The following SETDB1 variants were observed in gnomAD, a reference collection of about 807,000 sequenced individuals.
SETDB1 encodes histone-lysine N-methyltransferase SETDB1.
A neutral mutation model predicts 137.4 loss-of-function variants in SETDB1; 31 were observed. The observed-to-expected ratio is 0.23, with a 90% CI of 0.17 to 0.30. SETDB1 has a LOEUF of 0.30. Among genes scored for constraint, SETDB1 ranks in the 10% least tolerant of loss-of-function variants. The pLI is 1.00. For missense variants in SETDB1, 1,113 were observed against 1,631.5 expected (o/e 0.68, Z 5.47); for synonymous variants, 548 against 579.9 (o/e 0.95, Z 0.79).
chr1:150,941,362 G>C lies in SETDB1; in HGVS notation c.481G>C (p.Ala161Pro). 1.2e-6 allele frequency: 2 copies of C among 1,613,688 alleles called. No individual in the cohort carries two copies. The highest frequency in any genetic ancestry group is 1.7e-6 in the Non-Finnish European group (2 of 1,179,648). The change falls in exon 5 of 22, where the codon GCT (alanine) becomes CCT (proline). Residue 161 changes from alanine to proline, a missense_variant. Ala to Pro is a conservative substitution (Grantham distance 27). This residue lies in a region of SETDB1 where 159 missense variants were observed against 188.6 expected (regional missense o/e 0.84). Transcript: ENST00000692827. ...AGCTATGGCTGCCTTAAGAAAGTCA[G>C]CTCAAGATGTTCAGAAGTTCATGGA... ...REAMAALRKS[A>P]QDVQKFMDAV...
rs1311530032 is a variant in SETDB1, at chr1:150,949,521, T to C, written c.1579T>C (p.Tyr527His). The C allele has an allele frequency of 5.0e-6, 8 of 1,613,716 alleles. No homozygotes were observed. The highest frequency in any genetic ancestry group is 6.8e-6 in the Non-Finnish European group (8 of 1,179,846). Residue 527 changes from tyrosine (Y) to histidine (H), a missense_variant, in exon 12 of 22, where the codon TAT becomes CAT. Coordinates refer to ENST00000692827, the MANE Select transcript of SETDB1 (RefSeq NM_001366418.1). ...SGGKPGINQT[Y>H]RSPLGSTASA... The stretch of plus-strand genomic sequence containing the variant: ...TGGGAAACCTGGGATCAACCAGACA[T>C]ATAGGTGAGAAAATCTGAGGCTCTC...
intron 4 of SETDB1, among the ~76,000 whole-genome samples, chr1:150,940,663 T>C (rs1301752930): frequency 2.0e-5 from 3 of 150,892 alleles, no homozygotes. Flanking sequence ...AGGTCGGCAG[T>C]TCAAGAGCAG....
rs1209975250 is a variant in SETDB1, at chr1:150,946,973, GAGA to G, written c.1234_1236del (p.Lys412del). Reference sequence around the variant, plus strand: ...GAAAACATCCTCAGCCTCTGCACTGGAGAAGAAGCAAGGACAGCTCAGGACACG... The same window carrying G: ...GAAAACATCCTCAGCCTCTGCACTGGAGAAGCAAGGACAGCTCAGGACACG... On this transcript the variant is annotated inframe_deletion, in exon 10 of 22. Coordinates refer to ENST00000692827, the MANE Select transcript of SETDB1 (RefSeq NM_001366418.1). The G allele has an allele frequency of 3.1e-6, 5 of 1,614,050 alleles. No homozygotes were observed. The highest frequency in any genetic ancestry group is 4.2e-6 in the Non-Finnish European group (5 of 1,180,036).
At chr1:150,951,540 T>C in intron 14 of SETDB1, 59 bp downstream of exon 14, 1 of 913,696 alleles carries the variant, frequency 1.1e-6, no homozygotes, top group Non-Finnish European at 1.8e-6. Context: ...GTTCTTGTTT[T>C]TCTGTGCTTA....
rs761849953 is a variant in SETDB1 at position 150,942,904 on chromosome 1, G to T, written c.726G>T (p.Leu242=). The T allele has an allele frequency of 2.2e-5, 36 of 1,614,052 alleles. No homozygotes were observed. Among genetic ancestry groups the T allele is most frequent in the Non-Finnish European group, 1.7e-5 (20 of 1,180,004 alleles). The change falls in exon 7 of 22, where the codon CTG becomes CTT. Residue 242 remains leucine, a synonymous_variant. Transcript: ENST00000692827. ...TTGACAACAAAGGAAAGAGTCTACT[G>T]TCGGGGAACCATATTGCCTATGATT... ...VKFDNKGKSL[L]SGNHIAYDYH... is the part of the protein sequence containing the mutation.
In SETDB1 at chr1:150,951,048, A is replaced by T; in HGVS notation, c.2174A>T (p.Glu725Val). The change falls in exon 13 of 22, where the codon GAA becomes GTA. Residue 725 changes from glutamate to valine, a missense_variant. This residue lies in a region of SETDB1 where 81 missense variants were observed against 123.4 expected (regional missense o/e 0.66). Coordinates refer to ENST00000692827, the MANE Select transcript of SETDB1 (RefSeq NM_001366418.1). ...GGTGTTTTCATTAACACAGGCCCTG[A>T]ATTTCTGGTTGGCTGTGACTGCAAG... ...GKGVFINTGP[E>V]FLVGCDCKDG... 6.2e-7 allele frequency: 1 copy of T among 1,612,658 alleles called. No homozygotes were observed. The highest frequency in any genetic ancestry group is 8.5e-7 in the Non-Finnish European group (1 of 1,178,790).
At chr1:150,933,768 T>A (rs1669849086) in intron 3 of SETDB1, among the ~76,000 whole-genome samples, 1 of 119,666 alleles carries the variant, frequency 8.4e-6, no homozygotes, top group Non-Finnish European at 1.8e-5. Flanking sequence ...TTTCTTTTTC[T>A]TTTTCTTTTT....
At position 150,959,431 on chromosome 1, in the gene SETDB1, A is replaced by T. The variant is rs999956421; in HGVS notation, c.2503+84A>T. On this transcript the variant is annotated intron_variant, in intron 15 of 21. Transcript: ENST00000692827. ...CAGAGACAAATTGAACATAAGAAGA[A>T]AGTGCTTGACATGTGAACTGGAGTA... 5.8e-6 allele frequency: 7 copies of T among 1,199,216 alleles called. No individual in the cohort carries two copies. The African/African-American group carries it at 1.1e-4, about 19-fold the overall frequency. The allele number at this position is 1,199,216 out of a possible 1,614,324, so 74.3% of individuals were successfully genotyped here.
chr1:150,962,529 C>G (rs1571664401), intron 17 of SETDB1, 58 bp from the exon 18 acceptor site: 1 of 1,582,074 alleles, frequency 6.3e-7, no homozygotes, highest in East Asian at 2.2e-5. Context: ...CAAACCTAGG[C>G]TAGAAGCCTA....
Position 150,963,577 on chromosome 1 carries a change from C to T in SETDB1, c.3508C>T (p.Leu1170Phe), listed in dbSNP as rs1553242838. 2.5e-6 allele frequency: 4 copies of T among 1,614,178 alleles called. No individual in the cohort carries two copies. In the South Asian group the frequency reaches 4.4e-5, roughly 18 times the overall value. Reference protein sequence around the residue: ...VAVKSTRGFALKSTHGIAIKS... With the variant: ...VAVKSTRGFAFKSTHGIAIKS... ...AGTAAAATCAACCCGAGGCTTTGCT[C>T]TTAAATCAACCCATGGGATTGCAAT... is the stretch of plus-strand genomic sequence containing the variant. The change falls in exon 20 of 22, where the codon CTT (leucine) becomes TTT (phenylalanine). Residue 1170 changes from leucine to phenylalanine, a missense_variant. Around this residue, in one of 11 missense-constraint regions of SETDB1, gnomAD observed 373 missense variants for 412.7 expected, o/e 0.90. Transcript: ENST00000692827.
At chr1:150,936,182 G>C (rs1183687089) in intron 3 of SETDB1, among the ~76,000 whole-genome samples, 1 of 151,982 alleles carries the variant, frequency 6.6e-6, no homozygotes, top group African/African-American at 2.4e-5. Context: ...GTAGAGACAG[G>C]GTTTCACCAT....
At chr1:150,955,333 C>A (rs1393586916) in intron 14 of SETDB1, among the ~76,000 whole-genome samples, 1 of 152,192 alleles carries the variant, frequency 6.6e-6, no homozygotes, top group Non-Finnish European at 1.5e-5. Flanking sequence ...TATAGTCCCT[C>A]TGCTGTTTGG....
intron 3 of SETDB1, among the ~76,000 whole-genome samples, chr1:150,934,430 A>G (rs961883016): frequency 6.6e-5 from 10 of 152,066 alleles, no homozygotes; most frequent in African/African-American, 2.4e-4. Flanking sequence ...CCAAGATCGC[A>G]CCGCTGCACT....
rs1392985956 is a variant in SETDB1, at chr1:150,929,979, T to C, written c.273T>C (p.Asn91=). 2.5e-6 allele frequency: 4 copies of C among 1,613,530 alleles called. No homozygotes were observed. The highest frequency in any genetic ancestry group is 3.3e-5 in the Admixed American group (2 of 59,864). The change falls in exon 3 of 22, where the codon AAT becomes AAC. Residue 91 remains asparagine, a synonymous_variant. Coordinates refer to ENST00000692827, the MANE Select transcript of SETDB1 (RefSeq NM_001366418.1). ...LFDDASRAVT[N]CESLVKDFYS... ...GTTCCAATATTAGGGCAGTGACTAA[T>C]TGTGAGTCTTTGGTGAAGGACTTCT...
intron 9 of SETDB1, among the ~76,000 whole-genome samples, chr1:150,945,679 C>A (rs1020770332): frequency 5.3e-5 from 8 of 152,150 alleles, no homozygotes; most frequent in Admixed American, 3.3e-4. Context: ...TTACCTCAGC[C>A]CGTTACTTCT....
rs1670938236 is a variant in SETDB1 at position 150,964,722 on chromosome 1, A to G, written c.*358A>G. On this transcript the variant is annotated 3_prime_UTR_variant, in exon 22 of 22. Coordinates refer to ENST00000692827, the MANE Select transcript of SETDB1 (RefSeq NM_001366418.1). ...TATTATTTCTTGAAAGTCTTTTAACAATATGATAAAACTAAGATTGTGGTT... is the reference window on the plus strand; with the variant it reads ...TATTATTTCTTGAAAGTCTTTTAACGATATGATAAAACTAAGATTGTGGTT... 6 of 571,258 alleles carry G rather than the reference A, an allele frequency of 1.1e-5. No individual in the cohort carries two copies. Among genetic ancestry groups the G allele is most frequent in the South Asian group, 2.2e-5 (1 of 45,686 alleles). The allele number at this position is 571,258 out of a possible 1,614,324, so 35.4% of individuals were successfully genotyped here. A position where few individuals can be genotyped will look rare whatever the true frequency, so the allele number is the denominator to read the frequency against.
chr1:150,930,106 A>C lies in SETDB1; in HGVS notation c.400A>C (p.Ser134Arg). 6.2e-7 allele frequency: 1 copy of C among 1,613,898 alleles called. No individual in the cohort carries two copies. The highest frequency in any genetic ancestry group is 8.5e-7 in the Non-Finnish European group (1 of 1,179,834). ...EIPDEDDDVL[S>R]IDSGDAGSRT... ...TCCTGATGAAGATGATGATGTCCTCAGTATTGATTCAGGTAAGGGATGAGC... is the reference window on the plus strand; with the variant it reads ...TCCTGATGAAGATGATGATGTCCTCCGTATTGATTCAGGTAAGGGATGAGC... Residue 134 changes from serine (S) to arginine (R), a missense_variant, in exon 3 of 22, where the codon AGT (serine) becomes CGT (arginine). By Grantham distance (110) the Ser-to-Arg change is moderately radical. This residue lies in a region of SETDB1 where 159 missense variants were observed against 188.6 expected (regional missense o/e 0.84). Transcript: ENST00000692827.
intron 2 of SETDB1, 28 bp downstream of exon 2, chr1:150,928,002 A>T: frequency 6.2e-7 from 1 of 1,605,964 alleles, no homozygotes; most frequent in Non-Finnish European, 8.5e-7. Flanking sequence ...AATAGAAGGA[A>T]ATCTCTCCAT....
chr1:150,962,764 G>A, intron 18 of SETDB1, 45 bp downstream of exon 18: 1 of 1,600,776 alleles, frequency 6.2e-7, no homozygotes, highest in Non-Finnish European at 8.5e-7. Flanking sequence ...AGGAAAATGG[G>A]CCATTGTCAC....
Sources: gnomAD v4.1 joint callset for allele counts (sites outside exome capture counted in the v4.1 genomes callset) on GRCh38, gnomAD v4.1.1 for gene constraint, gnomAD v4.1.1 regional missense constraint, MANE v1.5 for transcripts, NCBI Gene and HGNC (gene_info 2026-07-23, HGNC 2026-07-21) for gene names.